The following SHC4 variants were observed in gnomAD, a reference collection of about 807,000 sequenced individuals.
The protein encoded by SHC4 is SHC adaptor protein 4, also known as SHC-transforming protein 4.
A neutral mutation model predicts 69.4 loss-of-function variants in SHC4; 41 were observed. That is an observed-to-expected ratio of 0.59 (90% CI 0.46 to 0.77). The LOEUF (loss-of-function observed/expected upper bound fraction) is 0.77. Ranked by LOEUF, SHC4 falls within the 30% of genes least tolerant of loss-of-function variation. The pLI is 0.00. For synonymous variants in SHC4, 318 were observed against 299.3 expected, an observed-to-expected ratio of 1.06 and a Z score of -0.64; for missense variants, 777 against 783.8, an observed-to-expected ratio of 0.99 and a Z score of 0.10.
chr15:48,934,854 T>G lies in SHC4; in HGVS notation c.586-9905A>C, dbSNP rs73402265. Among the ~76,000 whole-genome samples the G allele has an allele frequency of 6.1e-3, 935 of 152,300 alleles. 12 individuals carry two copies. Among genetic ancestry groups the G allele is most frequent in the African/African-American group, 0.022 (911 of 41,562 alleles). On this transcript the variant is annotated intron_variant, in intron 1 of 11. Coordinates refer to ENST00000332408, the MANE Select transcript of SHC4 (RefSeq NM_203349.4). The stretch of plus-strand genomic sequence containing the variant: ...GTGAAAAAAGACAATCATAAAAGAC[T>G]GATTTTATTTTATTTATGTGAAATG...
At chr15:48,894,397 A>G (rs1205422365) in intron 2 of SHC4, among the ~76,000 whole-genome samples, 1 of 152,184 alleles carries the variant, frequency 6.6e-6, no homozygotes, top group Non-Finnish European at 1.5e-5. Flanking sequence ...TATTGAAAAT[A>G]ATGCAGAGTA....
At chr15:48,862,220 A>G (rs1899460989) in intron 6 of SHC4, among the ~76,000 whole-genome samples, 1 of 151,296 alleles carries the variant, frequency 6.6e-6, no homozygotes, top group South Asian at 2.1e-4. Flanking sequence ...AACTTTCTTC[A>G]GAGACCCAGA....
chr15:48,940,255 A>T lies in SHC4; in HGVS notation c.586-15306T>A, dbSNP rs1901150667. Among the ~76,000 whole-genome samples, 5 of 152,334 alleles carry T rather than the reference A, an allele frequency of 3.3e-5. No individual in the cohort carries two copies. In the South Asian group the frequency reaches 1.0e-3, roughly 32 times the overall value. ...GAGAATATGATCTAACCTAATAGTG[A>T]CACTGTGTTTATGGTCTCTCCTGCC... On this transcript the variant is annotated intron_variant, in intron 1 of 11. Coordinates refer to ENST00000332408, the MANE Select transcript of SHC4 (RefSeq NM_203349.4).
At chr15:48,875,227 T>A (rs1595740924) in intron 4 of SHC4, among the ~76,000 whole-genome samples, 1 of 152,248 alleles carries the variant, frequency 6.6e-6, no homozygotes, top group East Asian at 1.9e-4. Flanking sequence ...TCTAAACTGC[T>A]TTGTCACATG....
At chr15:48,880,748 G>A (rs572003642) in intron 4 of SHC4, among the ~76,000 whole-genome samples, 35 of 152,210 alleles carry the variant, frequency 2.3e-4, no homozygotes, top group African/African-American at 8.4e-4. Flanking sequence ...ATACTTACTT[G>A]TATTTATTGA....
In SHC4 at chr15:48,896,467, C is replaced by A. The variant is rs938931216; in HGVS notation, c.657-5656G>T. Among the ~76,000 whole-genome samples, 25 of 152,124 alleles carry A rather than the reference C, an allele frequency of 1.6e-4. No homozygotes were observed. The South Asian group carries it at 2.1e-3, about 13-fold the overall frequency. On this transcript the variant is annotated intron_variant, in intron 2 of 11. Transcript: ENST00000332408. Reference sequence around the variant, plus strand: ...TCCCAAGTAGCTGGAATTACAGGTGCCTGCCACCATGCCCGGCTAATTTTT... The same window carrying A: ...TCCCAAGTAGCTGGAATTACAGGTGACTGCCACCATGCCCGGCTAATTTTT...
chr15:48,853,410 A>G (rs1899253037), intron 8 of SHC4, among the ~76,000 whole-genome samples: 1 of 152,228 alleles, frequency 6.6e-6, no homozygotes, highest in Non-Finnish European at 1.5e-5. Flanking sequence ...TACTAGCCAA[A>G]GCAATCTACA....
At position 48,924,880 on chromosome 15, in the gene SHC4, T is replaced by C; in HGVS notation, c.655A>G (p.Arg219Gly). 2 of 1,614,168 alleles carry C rather than the reference T, an allele frequency of 1.2e-6. No homozygotes were observed. Among genetic ancestry groups the C allele is most frequent in the Non-Finnish European group, 1.7e-6 (2 of 1,179,992 alleles). The change falls in exon 2 of 12, where the codon AGG (arginine) becomes GGG (glycine). Residue 219 changes from arginine to glycine, a missense_variant and splice_region_variant. Transcript: ENST00000332408. The part of the protein sequence containing the change: ...LDFGMRTQVT[R>G]EAISRLCEAV... Reference sequence around the variant, plus strand: ...CCCCTCCCATTTTTGGCTTCTTACCTTGTAACTTGGGTTCTCATTCCAAAA... The same window carrying C: ...CCCCTCCCATTTTTGGCTTCTTACCCTGTAACTTGGGTTCTCATTCCAAAA...
intron 2 of SHC4, among the ~76,000 whole-genome samples, chr15:48,910,044 T>G (rs1900479730): frequency 6.6e-6 from 1 of 152,152 alleles, no homozygotes; most frequent in Admixed American, 6.6e-5. Flanking sequence ...TTTCTGGTTT[T>G]GGTATTAGGG....
intron 4 of SHC4, among the ~76,000 whole-genome samples, chr15:48,881,204 TC>T: frequency 6.6e-6 from 1 of 152,208 alleles, no homozygotes; most frequent in Non-Finnish European, 1.5e-5. Context: ...AGGCCACAGA[TC>T]TATTTTGTTT....
intron 2 of SHC4, among the ~76,000 whole-genome samples, chr15:48,898,195 A>G (rs933827034): frequency 6.6e-6 from 1 of 152,244 alleles, no homozygotes; most frequent in African/African-American, 2.4e-5. Context: ...GCTTAGTGAA[A>G]TTAAAGACAT....
intron 6 of SHC4, among the ~76,000 whole-genome samples, chr15:48,860,584 T>G (rs1348433153): frequency 6.6e-6 from 1 of 152,164 alleles, no homozygotes; most frequent in East Asian, 1.9e-4. Context: ...AAACAACAAT[T>G]TTTGCAATTT....
chr15:48,866,687 G>A (rs1474205176), intron 6 of SHC4, among the ~76,000 whole-genome samples: 1 of 152,124 alleles, frequency 6.6e-6, no homozygotes, highest in Non-Finnish European at 1.5e-5. Context: ...TGAGGTCCAG[G>A]GTGTTCTATT....
At chr15:48,857,045 C>T (rs550934985) in intron 7 of SHC4, among the ~76,000 whole-genome samples, 173 of 152,110 alleles carry the variant, frequency 1.1e-3, no homozygotes, top group Admixed American at 2.4e-3. Flanking sequence ...TTAAAGTACC[C>T]AAGAGTTTTG....
chr15:48,835,462 G>C (rs1251936746), intron 10 of SHC4, among the ~76,000 whole-genome samples: 1 of 152,154 alleles, frequency 6.6e-6, no homozygotes, highest in Non-Finnish European at 1.5e-5. Flanking sequence ...CCACTTTTTA[G>C]CATTTAGCTC....
At chr15:48,920,171 C>T (rs1016012907) in intron 2 of SHC4, among the ~76,000 whole-genome samples, 51 of 146,516 alleles carry the variant, frequency 3.5e-4, no homozygotes, top group African/African-American at 1.1e-3. Context: ...CCTGCCACCA[C>T]GCCTGGCTAA....
At chr15:48,855,849 C>G (rs1266410125) in intron 8 of SHC4, 104 bp downstream of exon 8, 24 of 1,217,568 alleles carry the variant, frequency 2.0e-5, no homozygotes, top group Non-Finnish European at 2.2e-5. Context: ...TTGAGGAAGA[C>G]AGGACTTTCT....
chr15:48,892,488 G>A (rs967570621), intron 2 of SHC4, among the ~76,000 whole-genome samples: 1 of 151,934 alleles, frequency 6.6e-6, no homozygotes, highest in African/African-American at 2.4e-5. Context: ...CAGATAGTTG[G>A]GCCCTCTGGC....
chr15:48,840,642 C>T (rs1355328924), intron 10 of SHC4, among the ~76,000 whole-genome samples: 1 of 152,134 alleles, frequency 6.6e-6, no homozygotes, highest in African/African-American at 2.4e-5. Flanking sequence ...ATAAAGCTAT[C>T]CCCACTCCAT....
Sources: gnomAD v4.1 joint callset for allele counts (sites outside exome capture counted in the v4.1 genomes callset) on GRCh38, gnomAD v4.1.1 for gene constraint, MANE v1.5 for transcripts, NCBI Gene and HGNC (gene_info 2026-07-23, HGNC 2026-07-21) for gene names.